The following ANKRD45 variants were observed in gnomAD, a reference collection of about 807,000 sequenced individuals.
ANKRD45 encodes the protein ankyrin repeat domain-containing protein 45.
In ANKRD45, 21 loss-of-function variants were observed where a neutral mutation model predicts 28.1. That is an observed-to-expected ratio of 0.75 (90% CI 0.53 to 1.08). The LOEUF (loss-of-function observed/expected upper bound fraction) is 1.08. ANKRD45 is among the 50% of genes least tolerant of loss of function. The probability of loss-of-function intolerance (pLI) is 0.00; values close to 1 mark genes in which losing one functional copy is unlikely to be tolerated. For synonymous variants in ANKRD45, 86 were observed against 103.9 expected, an observed-to-expected ratio of 0.83 and a Z score of 1.05; for missense variants, 261 against 308.7, an observed-to-expected ratio of 0.85 and a Z score of 1.16.
At chr1:173,651,182 A>G (rs765664131) in intron 2 of ANKRD45, among the ~76,000 whole-genome samples, 12 of 152,150 alleles carry the variant, frequency 7.9e-5, no homozygotes, top group Non-Finnish European at 1.2e-4. Context: ...CTATGTCCTG[A>G]ATGGTAATGC....
At chr1:173,676,724 T>C in the ANKRD45 span, among the ~76,000 whole-genome samples, 1 of 151,226 alleles carries the variant, frequency 6.6e-6, no homozygotes, top group African/African-American at 2.4e-5. Context: ...TGTTACCTTA[T>C]GGCACACAAT....
the ANKRD45 span, among the ~76,000 whole-genome samples, chr1:173,699,604 C>CTG: frequency 6.6e-6 from 1 of 151,334 alleles, no homozygotes; most frequent in Non-Finnish European, 1.5e-5. Context: ...CAGAAAAGGC[C>CTG]TGACAAAATT....
chr1:173,682,722 C>T, the ANKRD45 span, among the ~76,000 whole-genome samples: 12 of 148,800 alleles, frequency 8.1e-5, no homozygotes, highest in South Asian at 1.5e-3. Context: ...CACACACACA[C>T]ATCTTGGATG....
chr1:173,670,679 C>T (rs965533184), upstream of ANKRD45, among the ~76,000 whole-genome samples: 1 of 152,148 alleles, frequency 6.6e-6, no homozygotes, highest in African/African-American at 2.4e-5. Flanking sequence ...CCCTATCCCC[C>T]ACCAGGAATG....
chr1:173,619,066 C>T (rs960284594), intron 5 of ANKRD45, among the ~76,000 whole-genome samples: 1 of 152,168 alleles, frequency 6.6e-6, no homozygotes, highest in Non-Finnish European at 1.5e-5. Context: ...GAAATAAGAT[C>T]CTTTTCAGAC....
In ANKRD45 at chr1:173,613,562, G is replaced by GCTC. The variant is rs1411989020; in HGVS notation, c.731-3348_731-3347insGAG. ...CGTCCGGGAGGGAGGTGGGGGGTCA[G>GCTC]CCCCCCCCCCGGCCAGCCGCCCCGT... On this transcript the variant is annotated intron_variant, in intron 5 of 5. Transcript: ENST00000333279. Among the ~76,000 whole-genome samples, 8 of 105,772 alleles carry GCTC rather than the reference G, an allele frequency of 7.6e-5. 2 individuals are homozygous for GCTC. Among genetic ancestry groups the GCTC allele is most frequent in the African/African-American group, 6.8e-4 (8 of 11,844 alleles). The allele number at this position is 105,772 out of a possible 152,430, so 69.4% of individuals were successfully genotyped here.
chr1:173,633,879 A>C (rs1181190302), intron 3 of ANKRD45, among the ~76,000 whole-genome samples: 11 of 152,110 alleles, frequency 7.2e-5, no homozygotes, highest in Non-Finnish European at 1.6e-4. Flanking sequence ...TCAAACTATG[A>C]AACTACTGTA....
chr1:173,697,601 A>G, the ANKRD45 span, among the ~76,000 whole-genome samples: 2 of 152,242 alleles, frequency 1.3e-5, no homozygotes, highest in Admixed American at 6.5e-5. Context: ...AATCCTTTAC[A>G]GACAAGCAAA....
chr1:173,704,377 C>T, the ANKRD45 span, among the ~76,000 whole-genome samples: 1 of 152,218 alleles, frequency 6.6e-6, no homozygotes, highest in African/African-American at 2.4e-5. Flanking sequence ...TCAGCTTTTC[C>T]TGCTTTCCAG....
At chr1:173,674,869 A>C in the ANKRD45 span, among the ~76,000 whole-genome samples, 6 of 152,098 alleles carry the variant, frequency 3.9e-5, no homozygotes, top group Admixed American at 3.9e-4. Context: ...CTTTTTAAAA[A>C]TTTTTTGGAG....
chr1:173,665,060 T>C (rs1044392197), intron 1 of ANKRD45, among the ~76,000 whole-genome samples: 11 of 152,146 alleles, frequency 7.2e-5, no homozygotes, highest in Admixed American at 1.3e-4. Context: ...ATTTAGTAAA[T>C]AGAAGCTACC....
chr1:173,623,124 T>C (rs1175598928), intron 5 of ANKRD45, among the ~76,000 whole-genome samples: 1 of 151,652 alleles, frequency 6.6e-6, no homozygotes, highest in East Asian at 1.9e-4. Context: ...AAGACCAGCC[T>C]GGCCAACATG....
At chr1:173,635,722 T>C (rs1668404461) in intron 3 of ANKRD45, 1 of 1,535,616 alleles carries the variant, frequency 6.5e-7, no homozygotes, top group African/African-American at 1.4e-5. Flanking sequence ...GCGACTTTGC[T>C]AACATGGATA....
chr1:173,699,518 A>G, the ANKRD45 span, among the ~76,000 whole-genome samples: 2 of 152,210 alleles, frequency 1.3e-5, no homozygotes, highest in African/African-American at 4.8e-5. Context: ...CTGGTTCCAC[A>G]TACACAAATC....
chr1:173,656,350 T>C (rs1368561373), intron 2 of ANKRD45, among the ~76,000 whole-genome samples: 1 of 152,244 alleles, frequency 6.6e-6, no homozygotes. Flanking sequence ...TCATGGTATA[T>C]AGAAAGTTGC....
chr1:173,699,508 C>G, the ANKRD45 span, among the ~76,000 whole-genome samples: 1 of 152,120 alleles, frequency 6.6e-6, no homozygotes, highest in African/African-American at 2.4e-5. Flanking sequence ...GGATGCAAGG[C>G]TGGTTCCACA....
upstream of ANKRD45, among the ~76,000 whole-genome samples, chr1:173,671,922 T>C (rs1165190790): frequency 6.6e-6 from 1 of 151,266 alleles, no homozygotes; most frequent in Non-Finnish European, 1.5e-5. Flanking sequence ...AAAGTCAAAC[T>C]GGACTTGATC....
chr1:173,664,597 CTT>C (rs1024456016), intron 1 of ANKRD45, among the ~76,000 whole-genome samples: 3 of 152,182 alleles, frequency 2.0e-5, no homozygotes, highest in Non-Finnish European at 4.4e-5. Flanking sequence ...TAATTCCTCT[CTT>C]GAGTGTACAC....
intron 5 of ANKRD45, among the ~76,000 whole-genome samples, chr1:173,622,856 C>G (rs1306540739): frequency 6.6e-6 from 1 of 152,132 alleles, no homozygotes; most frequent in Non-Finnish European, 1.5e-5. Flanking sequence ...AGACTATCAT[C>G]AGAGTGAACA....
Sources: allele counts gnomAD v4.1 joint callset (sites outside exome capture counted in the v4.1 genomes callset), GRCh38; gene constraint gnomAD v4.1.1; transcripts MANE v1.5; gene names NCBI Gene and HGNC (gene_info 2026-07-23, HGNC 2026-07-21).